TMEM209: variants seen among roughly 807,000 people sequenced by gnomAD.
TMEM209 encodes transmembrane protein 209, also known as testicular tissue protein Li 202.
In TMEM209, 65 loss-of-function variants were observed where a neutral mutation model predicts 76.2. That is an observed-to-expected ratio of 0.85 (90% CI 0.70 to 1.05). The LOEUF is 1.05. Ranked by LOEUF, TMEM209 falls within the 50% of genes least tolerant of loss-of-function variation. The pLI, the probability that TMEM209 is intolerant of heterozygous loss-of-function variation, is 0.00. For synonymous variants in TMEM209, 239 were observed against 237.6 expected, an observed-to-expected ratio of 1.01 and a Z score of -0.06; for missense variants, 623 against 685.5, an observed-to-expected ratio of 0.91 and a Z score of 1.02.
chr7:130,205,357 G>T lies in TMEM209; in HGVS notation c.3+16C>A, dbSNP rs761247080. On this transcript the variant is annotated intron_variant, in intron 1 of 14. Coordinates refer to ENST00000397622, the MANE Select transcript of TMEM209 (RefSeq NM_032842.4). Reference sequence around the variant, plus strand: ...ATTCCAAGACAGGAAGCACAAACACGACCCCGAAAACGCACCATGTCCTCT... The same window carrying T: ...ATTCCAAGACAGGAAGCACAAACACTACCCCGAAAACGCACCATGTCCTCT... The T allele has an allele frequency of 3.1e-6, 5 of 1,613,710 alleles. No homozygotes were observed. Among genetic ancestry groups the T allele is most frequent in the Admixed American group, 3.3e-5 (2 of 59,992 alleles).
At chr7:130,193,867 A>T (rs1181222247) in intron 5 of TMEM209, among the ~76,000 whole-genome samples, 1 of 152,084 alleles carries the variant, frequency 6.6e-6, no homozygotes, top group African/African-American at 2.4e-5. Flanking sequence ...TTTGGGTGAT[A>T]ATGACGTGTC....
chr7:130,196,685 A>C (rs1464759347), intron 5 of TMEM209, among the ~76,000 whole-genome samples: 1 of 152,182 alleles, frequency 6.6e-6, no homozygotes, highest in African/African-American at 2.4e-5. Context: ...ATGGCAGGGC[A>C]AAGTGGCTGT....
At chr7:130,185,952 T>G (rs1797583329) in intron 6 of TMEM209, among the ~76,000 whole-genome samples, 1 of 152,338 alleles carries the variant, frequency 6.6e-6, no homozygotes, top group East Asian at 1.9e-4. Flanking sequence ...TATTTAGGAA[T>G]GTACTCCTAC....
intron 6 of TMEM209, among the ~76,000 whole-genome samples, chr7:130,187,388 G>A (rs1797637872): frequency 6.6e-6 from 1 of 152,154 alleles, no homozygotes; most frequent in Non-Finnish European, 1.5e-5. Context: ...AGAGGCTGCT[G>A]TGGCGTGGCT....
At chr7:130,179,705 T>G (rs566134568) in intron 9 of TMEM209, among the ~76,000 whole-genome samples, 1 of 152,264 alleles carries the variant, frequency 6.6e-6, no homozygotes, top group East Asian at 1.9e-4. Context: ...TCCAGATGCA[T>G]TGGCTCATGT....
intron 5 of TMEM209, among the ~76,000 whole-genome samples, chr7:130,201,020 C>T (rs879367687): frequency 1.7e-5 from 2 of 121,172 alleles, no homozygotes; most frequent in African/African-American, 3.2e-5. Context: ...GCCCGGGAGG[C>T]GGAGTTTGCA....
chr7:130,196,747 T>C (rs1584693063), intron 5 of TMEM209, among the ~76,000 whole-genome samples: 1 of 152,182 alleles, frequency 6.6e-6, no homozygotes, highest in Admixed American at 6.5e-5. Context: ...GGGACCTTGA[T>C]CTTAGACTTC....
intron 6 of TMEM209, among the ~76,000 whole-genome samples, chr7:130,188,344 C>G (rs1333073032): frequency 1.3e-5 from 2 of 152,060 alleles, no homozygotes; most frequent in Non-Finnish European, 2.9e-5. Flanking sequence ...CACTTGTAAT[C>G]CCAGCACTTT....
chr7:130,173,437 T>C (rs983563191), intron 13 of TMEM209, among the ~76,000 whole-genome samples, 195 bp downstream of exon 13: 4 of 152,154 alleles, frequency 2.6e-5, no homozygotes, highest in African/African-American at 9.7e-5. Context: ...AATGAGTGAT[T>C]TTCCTTCTTT....
chr7:130,181,008 G>A (rs549844366), intron 9 of TMEM209, among the ~76,000 whole-genome samples: 21 of 152,322 alleles, frequency 1.4e-4, no homozygotes, highest in African/African-American at 4.6e-4. Flanking sequence ...ACACTTGTAC[G>A]TGACTGTTCA....
chr7:130,180,513 C>T (rs939047305), intron 9 of TMEM209, among the ~76,000 whole-genome samples: 12 of 151,900 alleles, frequency 7.9e-5, no homozygotes, highest in African/African-American at 2.9e-4. Flanking sequence ...GGATTATAGG[C>T]GCCTGCCACC....
chr7:130,192,458 A>G, intron 6 of TMEM209, 164 bp downstream of exon 6: 1 of 627,498 alleles, frequency 1.6e-6, no homozygotes, highest in Non-Finnish European at 2.7e-6. Context: ...TCCTAAATTT[A>G]GTGAACTTAA....
At chr7:130,177,770 A>G (rs2116984547) in intron 10 of TMEM209, among the ~76,000 whole-genome samples, 2 of 152,212 alleles carry the variant, frequency 1.3e-5, no homozygotes, top group South Asian at 4.1e-4. Flanking sequence ...TCCTTATATA[A>G]AATGTTTTAA....
chr7:130,167,672 T>C (rs1796924268), intron 14 of TMEM209, among the ~76,000 whole-genome samples: 1 of 152,170 alleles, frequency 6.6e-6, no homozygotes, highest in African/African-American at 2.4e-5. Context: ...TAAGTCACTG[T>C]GCAGTCAAGT....
At position 130,173,486 on chromosome 7, in the gene TMEM209, T is replaced by C. The variant is rs1797138884; in HGVS notation, c.1557+146A>G. ...CCCCAAATTAAGCACATATTACTTT[T>C]ATAGTAAGAAATATATATGTAGGAA... On this transcript the variant is annotated intron_variant, in intron 13 of 14. Coordinates refer to ENST00000397622, the MANE Select transcript of TMEM209 (RefSeq NM_032842.4). The C allele has an allele frequency of 1.0e-5, 6 of 582,550 alleles. No individual in the cohort carries two copies. The South Asian group carries it at 1.8e-4, about 17-fold the overall frequency. 36.1% of individuals were successfully genotyped at this position (582,550 alleles called of 1,614,324 possible).
In TMEM209 at chr7:130,192,807, G is replaced by C; in HGVS notation, c.590C>G (p.Pro197Arg). ...SGYNKLASFSPSPPSPYPTTV... is the reference protein window; with the variant it reads ...SGYNKLASFSRSPPSPYPTTV... ...GGTAGGGTACGGAGAAGGAGGAGAG[G>C]GGCTAAAGCTCGCCAACTATACAAA... The change falls in exon 6 of 15, where the codon CCC (proline) becomes CGC (arginine). Residue 197 changes from proline (P) to arginine (R), a missense_variant. By Grantham distance (103) the Pro-to-Arg change is moderately radical (BLOSUM62 -2). Transcript: ENST00000397622. 1 of 1,613,730 alleles carries C rather than the reference G, an allele frequency of 6.2e-7. No homozygotes were observed. Among genetic ancestry groups the C allele is most frequent in the Non-Finnish European group, 8.5e-7 (1 of 1,179,776 alleles).
At chr7:130,183,483 A>AT (rs954043672) in intron 8 of TMEM209, among the ~76,000 whole-genome samples, 5 of 152,214 alleles carry the variant, frequency 3.3e-5, no homozygotes, top group African/African-American at 1.2e-4. Flanking sequence ...GAGTAAAAGG[A>AT]TAAAAAATGA....
chr7:130,189,601 CAA>C (rs575090842), intron 6 of TMEM209, among the ~76,000 whole-genome samples: 1 of 152,046 alleles, frequency 6.6e-6, no homozygotes, highest in Non-Finnish European at 1.5e-5. Flanking sequence ...AATGATTCAG[CAA>C]AAAAGTGTGC....
At chr7:130,193,108 A>G (rs1309804763) in intron 5 of TMEM209, among the ~76,000 whole-genome samples, 1 of 152,228 alleles carries the variant, frequency 6.6e-6, no homozygotes, top group African/African-American at 2.4e-5. Context: ...AAGGAGTTGA[A>G]AACTTACGGC....
Sources: allele counts gnomAD v4.1 joint callset (sites outside exome capture counted in the v4.1 genomes callset), GRCh38; gene constraint gnomAD v4.1.1; transcripts MANE v1.5; gene names NCBI Gene and HGNC (gene_info 2026-07-23, HGNC 2026-07-21).